Variants in SAMD12 observed in about 807,000 individuals in gnomAD.
SAMD12 encodes the protein sterile alpha motif domain-containing protein 12.
A neutral mutation model predicts 15.0 loss-of-function variants in SAMD12; 9 were observed. That is an observed-to-expected ratio of 0.60 (90% CI 0.36 to 1.05). The LOEUF (loss-of-function observed/expected upper bound fraction) is 1.05. Ranked by LOEUF, SAMD12 falls within the 50% of genes least tolerant of loss-of-function variation. SAMD12 has a pLI of 0.01. For synonymous variants in SAMD12, 86 were observed against 90.1 expected (o/e 0.96, Z 0.25); for missense variants, 230 against 234.2 (o/e 0.98, Z 0.12).
intron 4 of SAMD12, among the ~76,000 whole-genome samples, chr8:118,282,775 T>A (rs887360083): frequency 1.3e-5 from 2 of 152,310 alleles, no homozygotes; most frequent in African/African-American, 4.8e-5. Flanking sequence ...TAGACTGTTT[T>A]TATTAGCTGT....
At chr8:118,428,879 C>T (rs377635496) in intron 3 of SAMD12, among the ~76,000 whole-genome samples, 2 of 152,084 alleles carry the variant, frequency 1.3e-5, no homozygotes, top group East Asian at 3.8e-4. Context: ...GTGGGCAAGT[C>T]CTCAAAAGTT....
chr8:118,251,941 G>C (rs1812830589), intron 4 of SAMD12, among the ~76,000 whole-genome samples: 1 of 151,346 alleles, frequency 6.6e-6, no homozygotes, highest in Admixed American at 6.6e-5. Flanking sequence ...AAAAAAAAAA[G>C]AGAAAGAGAA....
At chr8:118,468,507 T>C (rs78068072) in intron 2 of SAMD12, among the ~76,000 whole-genome samples, 4,901 of 152,200 alleles carry the variant, frequency 0.032, 269 homozygotes, top group African/African-American at 0.11. Context: ...GAGAGCTCTG[T>C]TGATATGAAG....
At chr8:118,474,557 T>G (rs573711000) in intron 2 of SAMD12, among the ~76,000 whole-genome samples, 4 of 151,732 alleles carry the variant, frequency 2.6e-5, no homozygotes, top group East Asian at 1.9e-4. Context: ...TTTTTTTTTT[T>G]TGTATTTTTA....
At chr8:118,248,257 C>A (rs1812740882) in intron 4 of SAMD12, among the ~76,000 whole-genome samples, 1 of 152,092 alleles carries the variant, frequency 6.6e-6, no homozygotes. Context: ...ACTACTATTC[C>A]ACTTCTGTTC....
At chr8:118,329,493 A>C (rs1038681993) in intron 4 of SAMD12, among the ~76,000 whole-genome samples, 4 of 152,182 alleles carry the variant, frequency 2.6e-5, no homozygotes, top group Non-Finnish European at 5.9e-5. Flanking sequence ...TCAGAAGTGG[A>C]ACATCAGTGG....
intron 2 of SAMD12, among the ~76,000 whole-genome samples, chr8:118,510,499 CATT>C (rs1402986426): frequency 6.6e-6 from 1 of 152,202 alleles, no homozygotes; most frequent in Non-Finnish European, 1.5e-5. Context: ...TTTATAATTT[CATT>C]TACATAACTC....
chr8:118,354,274 C>T (rs979131579), intron 4 of SAMD12, among the ~76,000 whole-genome samples: 3 of 152,164 alleles, frequency 2.0e-5, no homozygotes, highest in African/African-American at 7.2e-5. Context: ...AGGTTTGGTG[C>T]TAGTAAAATA....
At chr8:118,337,384 A>C (rs1817136017) in intron 4 of SAMD12, among the ~76,000 whole-genome samples, 1 of 152,058 alleles carries the variant, frequency 6.6e-6, no homozygotes, top group Non-Finnish European at 1.5e-5. Context: ...AAGCAGGGAG[A>C]CCAAGCATGC....
At chr8:118,587,162 G>A (rs1477319933) in intron 1 of SAMD12, among the ~76,000 whole-genome samples, 1 of 152,162 alleles carries the variant, frequency 6.6e-6, no homozygotes, top group Non-Finnish European at 1.5e-5. Context: ...TATTAGAATT[G>A]AGATAGGTTA....
chr8:118,287,472 C>T (rs999921080), intron 4 of SAMD12, among the ~76,000 whole-genome samples: 1 of 152,094 alleles, frequency 6.6e-6, no homozygotes, highest in Non-Finnish European at 1.5e-5. Flanking sequence ...ATAAGAAGTC[C>T]GAGCAAAGAG....
intron 4 of SAMD12, chr8:118,239,888 G>A (rs1006190152): frequency 1.1e-4 from 17 of 152,138 alleles, no homozygotes; most frequent in Admixed American, 4.6e-4. Context: ...CCATTACAGC[G>A]GGGCTTTCCC....
chr8:118,166,280 T>A, the SAMD12 span, among the ~76,000 whole-genome samples: 1 of 152,230 alleles, frequency 6.6e-6, no homozygotes, highest in African/African-American at 2.4e-5. Context: ...TTGTACAGAA[T>A]ACTTTGTCTA....
At chr8:118,329,777 T>C (rs960008784) in intron 4 of SAMD12, among the ~76,000 whole-genome samples, 7 of 152,292 alleles carry the variant, frequency 4.6e-5, no homozygotes, top group East Asian at 1.9e-4. Context: ...TGTGGCTAAT[T>C]AGGGTTTATA....
At chr8:118,235,617 G>A (rs1185976980) in intron 4 of SAMD12, among the ~76,000 whole-genome samples, 2 of 152,158 alleles carry the variant, frequency 1.3e-5, no homozygotes, top group Admixed American at 1.3e-4. Context: ...GATCTTAGCA[G>A]TGGGAATAGA....
At chr8:118,489,541 C>T (rs1488622581) in intron 2 of SAMD12, among the ~76,000 whole-genome samples, 1 of 152,122 alleles carries the variant, frequency 6.6e-6, no homozygotes, top group Non-Finnish European at 1.5e-5. Flanking sequence ...AATAGATAAG[C>T]TTCTTCCCCC....
intron 4 of SAMD12, among the ~76,000 whole-genome samples, chr8:118,319,784 T>C (rs1415684641): frequency 6.6e-6 from 1 of 152,156 alleles, no homozygotes; most frequent in Non-Finnish European, 1.5e-5. Flanking sequence ...AAAAGATAGA[T>C]GCAGGAGAAA....
chr8:118,218,527 C>G (rs1488816288), intron 4 of SAMD12, among the ~76,000 whole-genome samples: 1 of 151,118 alleles, frequency 6.6e-6, no homozygotes, highest in African/African-American at 2.4e-5. Flanking sequence ...TCCCCACCCC[C>G]ACCCCTGCCA....
intron 2 of SAMD12, among the ~76,000 whole-genome samples, chr8:118,551,037 G>C (rs1826315444): frequency 6.6e-6 from 1 of 152,016 alleles, no homozygotes; most frequent in Non-Finnish European, 1.5e-5. Flanking sequence ...AGCAAGTCCT[G>C]AGTGACCTAC....
Sources: allele counts gnomAD v4.1 joint callset (sites outside exome capture counted in the v4.1 genomes callset), GRCh38; gene constraint gnomAD v4.1.1; transcripts MANE v1.5; gene names NCBI Gene and HGNC (gene_info 2026-07-23, HGNC 2026-07-21).